Variants in LRRC69 observed in about 807,000 individuals in gnomAD.
The protein encoded by LRRC69 is leucine-rich repeat-containing protein 69.
Under a neutral mutation model 37.8 loss-of-function variants are expected in LRRC69, and 42 were observed. That is an observed-to-expected ratio of 1.11 (90% CI 0.87 to 1.44). The LOEUF (loss-of-function observed/expected upper bound fraction) is 1.44, where lower values mean the gene tolerates loss of function less well. Among genes scored for constraint, LRRC69 ranks in the 40% most tolerant of loss-of-function variants. LRRC69 has a pLI of 0.00. For missense variants in LRRC69, 357 were observed against 401.9 expected (o/e 0.89, Z 0.96); for synonymous variants, 141 against 143.1 (o/e 0.99, Z 0.11).
chr8:91,152,788 T>C (rs935985513), intron 5 of LRRC69, among the ~76,000 whole-genome samples: 5 of 151,334 alleles, frequency 3.3e-5, no homozygotes, highest in Non-Finnish European at 7.4e-5. Flanking sequence ...TTTGTTTGTT[T>C]TCTCTCTTAT....
chr8:91,194,871 C>T (rs1317583543), intron 6 of LRRC69, among the ~76,000 whole-genome samples: 1 of 151,502 alleles, frequency 6.6e-6, no homozygotes, highest in Non-Finnish European at 1.5e-5. Context: ...TTAGTTATTT[C>T]TTGCCTTCTG....
intron 7 of LRRC69, among the ~76,000 whole-genome samples, chr8:91,208,097 T>C (rs1372237884): frequency 6.6e-6 from 1 of 152,188 alleles, no homozygotes; most frequent in Admixed American, 6.5e-5. Flanking sequence ...CTCACTTTAT[T>C]TGACTTCATT....
intron 1 of LRRC69, among the ~76,000 whole-genome samples, chr8:91,116,722 G>A (rs1813516916): frequency 6.6e-6 from 1 of 151,948 alleles, no homozygotes. Context: ...TCCCTTTTCT[G>A]TAAGATCAGG....
chr8:91,140,171 C>T (rs1023869549), intron 5 of LRRC69, among the ~76,000 whole-genome samples: 3 of 151,218 alleles, frequency 2.0e-5, no homozygotes, highest in Non-Finnish European at 4.4e-5. Flanking sequence ...GAAAGATCAG[C>T]GAGAGAAAGC....
chr8:91,218,768 A>G, intron 7 of LRRC69, 122 bp from the exon 8 acceptor site: 1 of 606,834 alleles, frequency 1.6e-6, no homozygotes, highest in South Asian at 2.4e-5. Context: ...AATCAAGCAT[A>G]AATAGAATAG....
At chr8:91,189,259 G>A (rs1240865985) in intron 5 of LRRC69, among the ~76,000 whole-genome samples, 3 of 152,004 alleles carry the variant, frequency 2.0e-5, no homozygotes, top group African/African-American at 7.3e-5. Context: ...AGTTTTCTTA[G>A]TTGTTCAGGA....
chr8:91,136,484 A>G (rs556058722), intron 5 of LRRC69, among the ~76,000 whole-genome samples: 14 of 152,144 alleles, frequency 9.2e-5, no homozygotes, highest in African/African-American at 3.4e-4. Context: ...AAAAAAGTAT[A>G]GTTTTTAAAT....
chr8:91,138,551 A>ATTTTT lies in LRRC69; in HGVS notation c.651+2821_651+2825dup, dbSNP rs34842999. Among the ~76,000 whole-genome samples, 369 of 145,970 alleles carry ATTTTT rather than the reference A, an allele frequency of 2.5e-3. 1 individual carries two copies. Among genetic ancestry groups the ATTTTT allele is most frequent in the African/African-American group, 8.7e-3 (349 of 40,334 alleles). On this transcript the variant is annotated intron_variant, in intron 5 of 7. Transcript: ENST00000448384. ...AAAATGCAATTTTTTTCAGAGCAGT[A>ATTTTT]TTTTTTTTTTTTTGAAATTCACATG...
intron 7 of LRRC69, among the ~76,000 whole-genome samples, chr8:91,203,562 T>C (rs1214588079): frequency 6.6e-6 from 1 of 151,524 alleles, no homozygotes; most frequent in Non-Finnish European, 1.5e-5. Context: ...CTGGCTTTTT[T>C]TTGTGTGTGT....
intron 4 of LRRC69, 21 bp from the exon 5 acceptor site, chr8:91,135,647 C>A: frequency 7.2e-7 from 1 of 1,379,568 alleles, no homozygotes; most frequent in Non-Finnish European, 9.7e-7. Flanking sequence ...AAAAATCTCT[C>A]TCTTCTGTTT....
Position 91,133,809 on chromosome 8 carries a change from A to C in LRRC69, c.579+504A>C, listed in dbSNP as rs1410432471. Among the ~76,000 whole-genome samples, 45 of 151,556 alleles carry C rather than the reference A, an allele frequency of 3.0e-4. 1 individual carries two copies. Among genetic ancestry groups the C allele is most frequent in the Admixed American group, 3.0e-3 (45 of 15,204 alleles). On this transcript the variant is annotated intron_variant, in intron 4 of 7. Coordinates refer to ENST00000448384, the Ensembl canonical transcript of LRRC69. The stretch of plus-strand genomic sequence containing the variant: ...ACCACCATGCCCGGCTGATTTTTAT[A>C]ATTTAGTAGAGACGGGGCTTCACCA...
intron 2 of LRRC69, 76 bp from the exon 3 acceptor site, chr8:91,127,012 G>A: frequency 9.0e-7 from 1 of 1,113,118 alleles, no homozygotes; most frequent in Non-Finnish European, 1.3e-6. Context: ...GGAAAACAAA[G>A]GTATGTAGAA....
At chr8:91,218,804 A>T in intron 7 of LRRC69, 86 bp from the exon 8 acceptor site, 1 of 823,632 alleles carries the variant, frequency 1.2e-6, no homozygotes, top group East Asian at 2.8e-5. Flanking sequence ...CAATGTTCTG[A>T]AACCTCTGAG....
rs201965579 is a variant in LRRC69, at chr8:91,131,599, C to CTGT, written c.384-1510_384-1509insGTT. On this transcript the variant is annotated intron_variant, in intron 3 of 7. Coordinates refer to ENST00000448384, the Ensembl canonical transcript of LRRC69. ...TGTCTTTTGTTATATGTACTCTTAACTATTTCATGAAGGTTTTTTTATACA... is the reference window on the plus strand; with the variant it reads ...TGTCTTTTGTTATATGTACTCTTAACTGTTATTTCATGAAGGTTTTTTTATACA... Among the ~76,000 whole-genome samples, 52 of 151,980 alleles carry CTGT rather than the reference C, an allele frequency of 3.4e-4. No homozygotes were observed. The East Asian group carries it at 9.7e-3, about 28-fold the overall frequency.
At chr8:91,147,245 CAT>C (rs993857073) in intron 5 of LRRC69, among the ~76,000 whole-genome samples, 20 of 130,918 alleles carry the variant, frequency 1.5e-4, no homozygotes, top group South Asian at 2.5e-4. Flanking sequence ...TATATATAAA[CAT>C]ATAATATATA....
At chr8:91,197,219 G>T (rs1156980131) in intron 6 of LRRC69, among the ~76,000 whole-genome samples, 1 of 152,190 alleles carries the variant, frequency 6.6e-6, no homozygotes, top group African/African-American at 2.4e-5. Context: ...CCAGCCGCGT[G>T]CTGGGAGAAC....
At chr8:91,196,458 T>G (rs2130621430) in intron 6 of LRRC69, among the ~76,000 whole-genome samples, 1 of 152,154 alleles carries the variant, frequency 6.6e-6, no homozygotes, top group South Asian at 2.1e-4. Flanking sequence ...TTGGTTCCAT[T>G]CTCCCCATCA....
At chr8:91,210,321 C>T (rs1191416809) in intron 7 of LRRC69, among the ~76,000 whole-genome samples, 2 of 152,032 alleles carry the variant, frequency 1.3e-5, no homozygotes, top group African/African-American at 4.8e-5. Flanking sequence ...TTTTTTCCTG[C>T]ACTAGAACAT....
chr8:91,162,419 A>G (rs1449143526), intron 5 of LRRC69, among the ~76,000 whole-genome samples: 1 of 151,386 alleles, frequency 6.6e-6, no homozygotes, highest in African/African-American at 2.4e-5. Context: ...CTTGCTTTAT[A>G]TATCTGGCTG....
Sources: allele counts gnomAD v4.1 joint callset (sites outside exome capture counted in the v4.1 genomes callset), GRCh38; gene constraint gnomAD v4.1.1; transcripts MANE v1.5; gene names NCBI Gene and HGNC (gene_info 2026-07-23, HGNC 2026-07-21).